FBXW5: variants seen among roughly 807,000 people sequenced by gnomAD.
FBXW5 encodes F-box and WD repeat domain containing 5, also known as F-box/WD repeat-containing protein 5.
A neutral mutation model predicts 50.9 loss-of-function variants in FBXW5; 74 were observed. That is an observed-to-expected ratio of 1.45 (90% CI 1.20 to 1.76). The LOEUF is 1.76. Among genes scored for constraint, FBXW5 ranks in the 40% most tolerant of loss-of-function variants. The pLI is 0.00. For missense variants in FBXW5, 1,073 were observed against 818.8 expected (o/e 1.31, Z -3.79); for synonymous variants, 523 against 362.2 (o/e 1.44, Z -5.04).
intron 6 of FBXW5, 80 bp from the exon 7 acceptor site, chr9:136,941,764 G>A: frequency 1.4e-6 from 2 of 1,434,574 alleles, no homozygotes; most frequent in Non-Finnish European, 1.9e-6. Flanking sequence ...CCTCAGTGGT[G>A]TCTCTGGGGC....
rs200580177 is a variant in FBXW5, at chr9:136,943,879, C to A, written c.193+12G>T. ...CTGCAGAACGTGGGTAGGGGCCCCA[C>A]ACGCCACTGACCTGGGTGTCGGGGC... On this transcript the variant is annotated intron_variant, in intron 2 of 8. Coordinates refer to ENST00000325285, the MANE Select transcript of FBXW5 (RefSeq NM_018998.4). The A allele has an allele frequency of 3.3e-5, 51 of 1,549,176 alleles. No individual in the cohort carries two copies. In the African/African-American group the frequency reaches 6.2e-4, roughly 19 times the overall value.
At position 136,940,763 on chromosome 9, in the gene FBXW5, C is replaced by A; in HGVS notation, c.*165G>T. 3 of 1,172,610 alleles carry A rather than the reference C, an allele frequency of 2.6e-6. No homozygotes were observed. The allele number at this position is 1,172,610 out of a possible 1,614,324, so 72.6% of individuals were successfully genotyped here. A position where few individuals can be genotyped will look rare whatever the true frequency, so the allele number is the denominator to read the frequency against. ...ACTGGCCACCCCGTGCCAAGCATCA[C>A]AGCTGCGTGAGCAGGTTTGTGTGTG... On this transcript the variant is annotated 3_prime_UTR_variant, in exon 9 of 9. Transcript: ENST00000325285.
chr9:136,943,606 C>T, intron 2 of FBXW5, 100 bp from the exon 3 acceptor site: 4 of 1,451,202 alleles, frequency 2.8e-6, no homozygotes, highest in Middle Eastern at 2.4e-4. Flanking sequence ...CCCGTGGTGC[C>T]CCTGGAACCC....
In FBXW5 at chr9:136,943,827, C is replaced by G. The variant is rs551948814; in HGVS notation, c.193+64G>C. On this transcript the variant is annotated intron_variant, in intron 2 of 8. Coordinates refer to ENST00000325285, the MANE Select transcript of FBXW5 (RefSeq NM_018998.4). Reference sequence around the variant, plus strand: ...GGGCGGGCCCCCAGCCAGGCTGACCCCCAAGCGCAGGGGCCCGGGGCCCTG... The same window carrying G: ...GGGCGGGCCCCCAGCCAGGCTGACCGCCAAGCGCAGGGGCCCGGGGCCCTG... 5.3e-6 allele frequency: 8 copies of G among 1,511,012 alleles called. No homozygotes were observed. The African/African-American group carries it at 8.3e-5, about 16-fold the overall frequency. 93.6% of individuals were successfully genotyped at this position (1,511,012 alleles called of 1,614,324 possible).
Position 136,942,541 on chromosome 9 carries a change from A to T in FBXW5, c.675+6T>A, listed in dbSNP as rs757409636. Reference sequence around the variant, plus strand: ...AGGGCAGCCCCGCCCCTAGCCCCGCACGCACCTGGAAGGCATTGTTGAGCC... The same window carrying T: ...AGGGCAGCCCCGCCCCTAGCCCCGCTCGCACCTGGAAGGCATTGTTGAGCC... On this transcript the variant is annotated splice_donor_region_variant and intron_variant, in intron 5 of 8. Coordinates refer to ENST00000325285, the MANE Select transcript of FBXW5 (RefSeq NM_018998.4). The T allele has an allele frequency of 1.2e-6, 2 of 1,608,928 alleles. No homozygotes were observed. The highest frequency in any genetic ancestry group is 1.7e-6 in the Non-Finnish European group (2 of 1,177,190).
At chr9:136,942,501 G>C (rs746383997) in intron 5 of FBXW5, 35 bp from the exon 6 acceptor site, 1 of 1,599,228 alleles carries the variant, frequency 6.3e-7, no homozygotes, top group South Asian at 1.1e-5. Flanking sequence ...TGGGCGCCGG[G>C]CGCCAGGCCC....
In FBXW5 at chr9:136,941,177, G is replaced by A; in HGVS notation, c.1458-6C>T. ...CGTGCCGGTCCTCCGCCCCGCTGCAGAACAGCGCCTGGGTGAGCCGGCCGC... is the reference window on the plus strand; with the variant it reads ...CGTGCCGGTCCTCCGCCCCGCTGCAAAACAGCGCCTGGGTGAGCCGGCCGC... On this transcript the variant is annotated splice_polypyrimidine_tract_variant and splice_region_variant and intron_variant, in intron 8 of 8. Coordinates refer to ENST00000325285, the MANE Select transcript of FBXW5 (RefSeq NM_018998.4). 1 of 1,601,868 alleles carries A rather than the reference G, an allele frequency of 6.2e-7. No homozygotes were observed. The highest frequency in any genetic ancestry group is 2.2e-5 in the East Asian group (1 of 44,550).
chr9:136,944,068 TGCCGCCCTC>T lies in FBXW5; in HGVS notation c.7_15del (p.Glu3_Gly5del). 1 of 1,597,968 alleles carries T rather than the reference TGCCGCCCTC, an allele frequency of 6.3e-7. No individual in the cohort carries two copies. The highest frequency in any genetic ancestry group is 1.3e-5 in the African/African-American group (1 of 74,648). On this transcript the variant is annotated inframe_deletion, in exon 2 of 9. Coordinates refer to ENST00000325285, the MANE Select transcript of FBXW5 (RefSeq NM_018998.4). ...ACCAGGCTGTCGGGGAGCAGGGGCG[TGCCGCCCTC>T]GTCCATCGTGACATTCTGCCCAGGC...
Position 136,942,580 on chromosome 9 carries a change from G to C in FBXW5, c.642C>G (p.Ser214=), listed in dbSNP as rs757328148. The C allele has an allele frequency of 3.1e-6, 5 of 1,611,986 alleles. No individual in the cohort carries two copies. Among genetic ancestry groups the C allele is most frequent in the African/African-American group, 1.3e-5 (1 of 75,020 alleles). ...GNLHRIGDIT[S]CSVLWLNNAF... is the part of the protein sequence containing the mutation. ...CATTGTTGAGCCACAGCACCGAGCA[G>C]GAGGTGATATCTCCGATGCGGTGCA... Residue 214 remains serine, a synonymous_variant, in exon 5 of 9, where the codon TCC becomes TCG. Transcript: ENST00000325285.
intron 2 of FBXW5, 145 bp downstream of exon 2, chr9:136,943,745 GT>G (rs1221231188): frequency 9.4e-7 from 1 of 1,063,714 alleles, no homozygotes; most frequent in African/African-American, 1.6e-5. Flanking sequence ...CCTGCGCTGT[GT>G]CCTGACAGGC....
chr9:136,942,806 G>T lies in FBXW5; in HGVS notation c.489C>A (p.His163Gln), dbSNP rs758112282. 6.2e-7 allele frequency: 1 copy of T among 1,613,228 alleles called. No homozygotes were observed. Among genetic ancestry groups the T allele is most frequent in the Non-Finnish European group, 8.5e-7 (1 of 1,179,966 alleles). Reference sequence around the variant, plus strand: ...CAGCAATCTCGCCGGATGAGGAGTTGTGCGGCCCCAGGAACACCCCCGAGG... The same window carrying T: ...CAGCAATCTCGCCGGATGAGGAGTTTTGCGGCCCCAGGAACACCCCCGAGG... ...LLASGVFLGP[H>Q]NSSSGEIAVI... Residue 163 changes from histidine (H) to glutamine (Q), a missense_variant, in exon 4 of 9, where the codon CAC becomes CAA. Coordinates refer to ENST00000325285, the MANE Select transcript of FBXW5 (RefSeq NM_018998.4).
chr9:136,941,738 C>T (rs1850779371), intron 6 of FBXW5, 54 bp from the exon 7 acceptor site: 4 of 1,518,112 alleles, frequency 2.6e-6, no homozygotes, highest in Non-Finnish European at 3.5e-6. Context: ...GGACATCACT[C>T]CAGGGCAGCT....
chr9:136,941,736 C>G, intron 6 of FBXW5, 52 bp from the exon 7 acceptor site: 2 of 1,516,756 alleles, frequency 1.3e-6, no homozygotes, highest in East Asian at 2.5e-5. Context: ...AAGGACATCA[C>G]TCCAGGGCAG....
At chr9:136,943,243 G>GCCCC in intron 3 of FBXW5, 106 bp downstream of exon 3, 1 of 1,176,296 alleles carries the variant, frequency 8.5e-7, no homozygotes, top group Non-Finnish European at 1.2e-6. Context: ...CCTCTGGCCT[G>GCCCC]ACCCACCCCC....
chr9:136,944,216 G>A, intron 1 of FBXW5, 110 bp from the exon 2 acceptor site: 4 of 1,232,420 alleles, frequency 3.2e-6, no homozygotes, highest in South Asian at 3.2e-5. Flanking sequence ...ACGGGGCTGC[G>A]TGTCTGCAGG....
chr9:136,942,481 A>G lies in FBXW5; in HGVS notation c.676-15T>C, dbSNP rs1337157404. 2 of 1,597,070 alleles carry G rather than the reference A, an allele frequency of 1.3e-6. No homozygotes were observed. Among genetic ancestry groups the G allele is most frequent in the Middle Eastern group, 1.7e-4 (1 of 6,036 alleles). ...GACTCCACATCCTGGGGGCGGGGGC[A>G]CGTGCCAGGTGGGCGCCGGGCGCCA... On this transcript the variant is annotated splice_polypyrimidine_tract_variant and intron_variant, in intron 5 of 8. Coordinates refer to ENST00000325285, the MANE Select transcript of FBXW5 (RefSeq NM_018998.4).
intron 2 of FBXW5, 85 bp downstream of exon 2, chr9:136,943,806 G>T: frequency 7.1e-7 from 1 of 1,402,446 alleles, no homozygotes; most frequent in Non-Finnish European, 9.7e-7. Context: ...GCCGCGGGGC[G>T]GGCCCCCAGC....
rs765657666 is a variant in FBXW5, at chr9:136,942,684, G to T, written c.538C>A (p.Leu180Met). The T allele has an allele frequency of 1.2e-6, 2 of 1,610,866 alleles. No homozygotes were observed. The highest frequency in any genetic ancestry group is 3.3e-5 in the Admixed American group (2 of 59,736). Reference protein sequence around the residue: ...IAVISLDSFALLSRVRNKPYD... With the variant: ...IAVISLDSFAMLSRVRNKPYD... The stretch of plus-strand genomic sequence containing the variant: ...GGCTTGTTCCGCACGCGGGACAGCA[G>T]CGCGAAGGAGTCTGTGGGGAGGCCG... The change falls in exon 5 of 9, where the codon CTG (leucine) becomes ATG (methionine). Residue 180 changes from leucine to methionine, a missense_variant. Transcript: ENST00000325285.
intron 6 of FBXW5, 86 bp downstream of exon 6, chr9:136,941,960 T>G: frequency 6.8e-7 from 1 of 1,473,374 alleles, no homozygotes; most frequent in South Asian, 1.4e-5. Context: ...CCTGTGGACT[T>G]GCTTGCTGTC....
Sources: allele counts gnomAD v4.1 joint callset, GRCh38; gene constraint gnomAD v4.1.1; transcripts MANE v1.5; gene names NCBI Gene and HGNC (gene_info 2026-07-23, HGNC 2026-07-21).